The following SCN2A variants were observed in gnomAD, a reference collection of about 807,000 sequenced individuals.
The protein encoded by SCN2A is sodium channel protein type 2 subunit alpha.
Under a neutral mutation model 188.7 loss-of-function variants are expected in SCN2A, and 20 were observed. The ratio of observed to expected loss-of-function variants is 0.11; its 90% CI spans 0.07 to 0.15. The LOEUF (loss-of-function observed/expected upper bound fraction) is 0.15, where lower values mean the gene tolerates loss of function less well. Ranked by LOEUF, SCN2A falls within the 10% of genes least tolerant of loss-of-function variation. The pLI, the probability that SCN2A is intolerant of heterozygous loss-of-function variation, is 1.00. For missense variants in SCN2A, 1,278 were observed against 2,445.0 expected (o/e 0.52, Z 10.07); for synonymous variants, 804 against 833.1 (o/e 0.97, Z 0.60).
intron 16 of SCN2A, among the ~76,000 whole-genome samples, chr2:165,345,686 T>C (rs1298348375): frequency 6.6e-6 from 1 of 152,190 alleles, no homozygotes; most frequent in African/African-American, 2.4e-5. Context: ...TGTCTTTTAA[T>C]TGGGGCATTT....
chr2:165,267,108 C>T (rs907478254), intron 1 of SCN2A: 6 of 151,984 alleles, frequency 3.9e-5, no homozygotes, highest in Non-Finnish European at 5.9e-5. Context: ...CAATGAAATC[C>T]GTATAAAAAT....
At chr2:165,255,876 T>C (rs1299284887) in intron 1 of SCN2A, among the ~76,000 whole-genome samples, 1 of 152,092 alleles carries the variant, frequency 6.6e-6, no homozygotes, top group Non-Finnish European at 1.5e-5. Flanking sequence ...AGCCAGATTT[T>C]TCTTCCCCGC....
At chr2:165,328,362 T>TC in intron 13 of SCN2A, 1 of 327,456 alleles carries the variant, frequency 3.1e-6, no homozygotes, top group Non-Finnish European at 4.4e-6. Context: ...CACTCCCTCT[T>TC]CCCCCCAGCT....
intron 17 of SCN2A, among the ~76,000 whole-genome samples, chr2:165,359,167 G>A (rs1032213178): frequency 6.6e-6 from 1 of 152,008 alleles, no homozygotes; most frequent in Non-Finnish European, 1.5e-5. Flanking sequence ...GAGCTATAAT[G>A]CCTCATATAT....
intron 23 of SCN2A, among the ~76,000 whole-genome samples, chr2:165,380,031 A>G (rs1422842113): frequency 2.0e-5 from 3 of 151,858 alleles, no homozygotes; most frequent in African/African-American, 7.2e-5. Context: ...ATGCAGACCT[A>G]CTACAATGAT....
At chr2:165,304,807 A>C (rs1168180958) in intron 3 of SCN2A, among the ~76,000 whole-genome samples, 2 of 152,176 alleles carry the variant, frequency 1.3e-5, no homozygotes, top group Non-Finnish European at 2.9e-5. Context: ...AGAAAAGAAA[A>C]TGAAACTGGA....
chr2:165,250,089 G>C (rs1029408364), intron 1 of SCN2A, among the ~76,000 whole-genome samples: 45 of 151,972 alleles, frequency 3.0e-4, no homozygotes, highest in African/African-American at 9.4e-4. Flanking sequence ...GAAGTAGCCA[G>C]ATATATGTGG....
intron 22 of SCN2A, among the ~76,000 whole-genome samples, chr2:165,377,126 TA>T (rs1342137013): frequency 6.6e-6 from 1 of 151,972 alleles, no homozygotes; most frequent in Non-Finnish European, 1.5e-5. Flanking sequence ...TCAACAATAT[TA>T]AGAAGATTTT....
rs3835935 is a variant in SCN2A, at chr2:165,365,439, G to GTTT, written c.3520+183_3520+185dup. On this transcript the variant is annotated intron_variant, in intron 18 of 26. Coordinates refer to ENST00000375437, the MANE Select transcript of SCN2A (RefSeq NM_001040142.2). ...CTATCCAACAACTGTACATTTATTT[G>GTTT]TTTTTTTTTGCATTTGCTGTTTGAA... Among the ~76,000 whole-genome samples the GTTT allele has an allele frequency of 3.1e-3, 459 of 147,576 alleles. 2 individuals are homozygous for GTTT. The highest frequency in any genetic ancestry group is 5.8e-3 in the African/African-American group (234 of 40,240).
intron 1 of SCN2A, among the ~76,000 whole-genome samples, chr2:165,291,027 T>TTTTCTTTTC (rs1553563482): frequency 1.1e-5 from 1 of 94,404 alleles, no homozygotes; most frequent in African/African-American, 4.4e-5. Flanking sequence ...TTTTCTTTTC[T>TTTTCTTTTC]TTTCTTTCTT....
intron 11 of SCN2A, 128 bp from the exon 12 acceptor site, chr2:165,323,028 C>G (rs1255031962): frequency 1.1e-6 from 1 of 888,868 alleles, no homozygotes; most frequent in Non-Finnish European, 1.7e-6. Flanking sequence ...GTGCTTTCTT[C>G]CACATGTCCA....
At chr2:165,320,830 C>T (rs1698038163) in intron 11 of SCN2A, among the ~76,000 whole-genome samples, 1 of 152,194 alleles carries the variant, frequency 6.6e-6, no homozygotes, top group African/African-American at 2.4e-5. Flanking sequence ...GCCTCCGAGC[C>T]TGTGACGGGA....
At chr2:165,326,190 A>G (rs993307040) in intron 12 of SCN2A, among the ~76,000 whole-genome samples, 2 of 152,190 alleles carry the variant, frequency 1.3e-5, no homozygotes, top group African/African-American at 2.4e-5. Flanking sequence ...TCATTGTATC[A>G]TTACTAAAAA....
At chr2:165,291,392 C>A (rs1170428199) in intron 1 of SCN2A, among the ~76,000 whole-genome samples, 2 of 148,882 alleles carry the variant, frequency 1.3e-5, no homozygotes, top group African/African-American at 2.5e-5. Context: ...TCCTTCCTTC[C>A]TTCCTTCCTT....
rs150040573 is a variant in SCN2A, at chr2:165,323,373, G to A, written c.1889G>A (p.Arg630His). The change falls in exon 12 of 27, where the codon CGT becomes CAT. Residue 630 changes from arginine to histidine, a missense_variant. Physicochemically the swap from Arg to His is conservative, Grantham distance 29. Around this residue, in one of 17 missense-constraint regions of SCN2A, gnomAD observed 315 missense variants for 386.6 expected, o/e 0.81. Transcript: ENST00000375437. ...RRHSNVSQAS[R>H]ASRVLPILPM... is the part of the protein sequence containing the mutation. ...CACAGCAATGTCAGCCAGGCCAGCCGTGCCTCCAGGGTGCTCCCCATCCTG... is the reference window on the plus strand; with the variant it reads ...CACAGCAATGTCAGCCAGGCCAGCCATGCCTCCAGGGTGCTCCCCATCCTG... 11 of 1,614,174 alleles carry A rather than the reference G, an allele frequency of 6.8e-6. No homozygotes were observed. Among genetic ancestry groups the A allele is most frequent in the Admixed American group, 3.3e-5 (2 of 60,026 alleles).
At chr2:165,386,536 A>T (rs1701883531) in intron 25 of SCN2A, among the ~76,000 whole-genome samples, 1 of 151,968 alleles carries the variant, frequency 6.6e-6, no homozygotes, top group African/African-American at 2.4e-5. Flanking sequence ...CCCTATTTAC[A>T]CTACTTACCT....
At chr2:165,254,129 A>G (rs1694212623) in intron 1 of SCN2A, among the ~76,000 whole-genome samples, 1 of 151,862 alleles carries the variant, frequency 6.6e-6, no homozygotes, top group Non-Finnish European at 1.5e-5. Context: ...TAATGTAAGG[A>G]TATTTCTCTT....
chr2:165,325,507 A>G (rs1698308852), intron 12 of SCN2A, among the ~76,000 whole-genome samples: 2 of 152,230 alleles, frequency 1.3e-5, no homozygotes, highest in African/African-American at 4.8e-5. Context: ...TACTTTACAC[A>G]TAAATTCAAT....
chr2:165,344,864 A>T lies in SCN2A; in HGVS notation c.2872A>T (p.Met958Leu). 1 of 1,614,160 alleles carries T rather than the reference A, an allele frequency of 6.2e-7. No individual in the cohort carries two copies. The highest frequency in any genetic ancestry group is 8.5e-7 in the Non-Finnish European group (1 of 1,180,026). Residue 958 changes from methionine to leucine, a missense_variant, in exon 16 of 27, where the codon ATG (methionine) becomes TTG (leucine). Physicochemically the swap from Met to Leu is conservative, Grantham distance 15. Around this residue, in one of 17 missense-constraint regions of SCN2A, gnomAD observed 83 missense variants for 256.8 expected, o/e 0.32. Transcript: ENST00000375437. ...CTGTATGGAGGTCGCTGGCCAAACC[A>T]TGTGCCTTACTGTCTTCATGATGGT... ...WDCMEVAGQT[M>L]CLTVFMMVMV...
Sources: allele counts gnomAD v4.1 joint callset (sites outside exome capture counted in the v4.1 genomes callset), GRCh38; gene constraint gnomAD v4.1.1; regional missense constraint gnomAD v4.1.1; transcripts MANE v1.5; gene names NCBI Gene and HGNC (gene_info 2026-07-23, HGNC 2026-07-21).